The following COL4A4 variants were observed in gnomAD, a reference collection of about 807,000 sequenced individuals.
COL4A4 encodes the protein collagen type IV alpha 4 chain.
COL4A4 carries 105 observed loss-of-function variants against 192.9 expected under a neutral mutation model. That is an observed-to-expected ratio of 0.54 (90% CI 0.46 to 0.64). COL4A4 has a LOEUF of 0.64. Among genes scored for constraint, COL4A4 ranks in the 30% least tolerant of loss-of-function variants. COL4A4 has a pLI of 0.00. For synonymous variants in COL4A4, 762 were observed against 769.9 expected (o/e 0.99, Z 0.17); for missense variants, 1,967 against 2,169.3 (o/e 0.91, Z 1.85).
chr2:227,148,380 GC>G (rs2063693916), intron 1 of COL4A4, among the ~76,000 whole-genome samples: 1 of 152,168 alleles, frequency 6.6e-6, no homozygotes, highest in Admixed American at 6.5e-5. Flanking sequence ...ACAACATTGT[GC>G]CAAGTGAAAG....
At chr2:227,074,358 T>A (rs1029145420) in intron 25 of COL4A4, among the ~76,000 whole-genome samples, 2 of 152,126 alleles carry the variant, frequency 1.3e-5, no homozygotes, top group Non-Finnish European at 2.9e-5. Context: ...AGATATTGCC[T>A]TACTCCTGCA....
Position 227,022,159 on chromosome 2 carries a change from G to A in COL4A4, c.4105C>T (p.Pro1369Ser). ...CGGGGACAGTCATCCACATCTGCAGGTGGCCCCGGTTCACCTGAAATTGGA... is the reference window on the plus strand; with the variant it reads ...CGGGGACAGTCATCCACATCTGCAGATGGCCCCGGTTCACCTGAAATTGGA... The part of the protein sequence containing the change: ...LPGPRGEPGP[P>S]ADVDDCPRIP... Residue 1369 changes from proline (P) to serine (S), a missense_variant, in exon 44 of 48, where the codon CCT becomes TCT. Transcript: ENST00000396625. The A allele has an allele frequency of 6.2e-7, 1 of 1,614,084 alleles. No homozygotes were observed. The highest frequency in any genetic ancestry group is 8.5e-7 in the Non-Finnish European group (1 of 1,180,034).
At chr2:227,060,077 T>C (rs1457527880) in intron 27 of COL4A4, 59 bp downstream of exon 27, 4 of 1,045,160 alleles carry the variant, frequency 3.8e-6, no homozygotes, top group African/African-American at 3.8e-5. Flanking sequence ...TGTTAAAAAG[T>C]TCCTGATAGA....
At position 227,018,257 on chromosome 2, in the gene COL4A4, G is replaced by GT. The variant is rs1233536527; in HGVS notation, c.4216+3790dup. On this transcript the variant is annotated intron_variant, in intron 44 of 47. Transcript: ENST00000396625. The stretch of plus-strand genomic sequence containing the variant: ...TTTGTTTTGTTTTGTTTTAGATGGA[G>GT]TTTCGCTCTTCTTGCCCAGGCTGGA... 3.9e-5 allele frequency among the ~76,000 whole-genome samples: 6 copies of GT among 152,244 alleles called. No homozygotes were observed. The East Asian group carries it at 1.2e-3, about 29-fold the overall frequency.
At chr2:227,070,604 T>C (rs2058656177) in intron 25 of COL4A4, among the ~76,000 whole-genome samples, 1 of 151,286 alleles carries the variant, frequency 6.6e-6, no homozygotes, top group South Asian at 2.1e-4. Context: ...TCATTCTCAG[T>C]AAACTATCGC....
chr2:227,060,373 G>A (rs1976647817), intron 26 of COL4A4, 130 bp from the exon 27 acceptor site: 1 of 669,406 alleles, frequency 1.5e-6, no homozygotes, highest in Non-Finnish European at 2.6e-6. Flanking sequence ...TAAGGATGTT[G>A]CCTATCCCGA....
chr2:227,055,894 G>A (rs1196246455), intron 30 of COL4A4, 51 bp downstream of exon 30: 5 of 1,535,140 alleles, frequency 3.3e-6, no homozygotes, highest in South Asian at 1.1e-5. Flanking sequence ...ACTTGGCAGT[G>A]GATTTCATGT....
intron 18 of COL4A4, 100 bp downstream of exon 18, chr2:227,099,520 A>G (rs2060389049): frequency 9.5e-7 from 1 of 1,055,176 alleles, no homozygotes; most frequent in African/African-American, 1.6e-5. Flanking sequence ...CAGCCTGCCT[A>G]GTGTGCAAGC....
At position 227,003,199 on chromosome 2, in the gene COL4A4, C is replaced by T. The variant is rs1041065214; in HGVS notation, c.*4126G>A. On this transcript the variant is annotated 3_prime_UTR_variant, in exon 48 of 48. Coordinates refer to ENST00000396625, the MANE Select transcript of COL4A4 (RefSeq NM_000092.5). ...TAATTCTAATCAGTAATTTATATAC[C>T]CTGTGAGAATCATAATTCTGTGTAA... 1.3e-5 allele frequency: 2 copies of T among 151,712 alleles called. No homozygotes were observed. Among genetic ancestry groups the T allele is most frequent in the Non-Finnish European group, 2.9e-5 (2 of 67,970 alleles). The allele number at this position is 151,712 out of a possible 1,614,324, so 9.4% of individuals were successfully genotyped here. A position where few individuals can be genotyped will look rare whatever the true frequency, so the allele number is the denominator to read the frequency against.
At chr2:227,130,904 T>C (rs2062412060) in intron 4 of COL4A4, among the ~76,000 whole-genome samples, 2 of 151,972 alleles carry the variant, frequency 1.3e-5, no homozygotes, top group African/African-American at 4.8e-5. Context: ...GCCTCCCAAA[T>C]ATGTCCACCT....
intron 20 of COL4A4, 60 bp downstream of exon 20, chr2:227,094,065 G>T: frequency 7.0e-7 from 1 of 1,422,666 alleles, no homozygotes. Context: ...CTTTCTTAGT[G>T]GCACTGCAAA....
intron 9 of COL4A4, chr2:227,109,620 G>A (rs58684635): frequency 0.02 from 8,023 of 402,154 alleles, 596 homozygotes; most frequent in African/African-American, 0.15. Context: ...GGTGGCAGGC[G>A]CCTGTAGTCC....
chr2:227,140,098 T>G, intron 4 of COL4A4, 63 bp downstream of exon 4: 4 of 1,422,646 alleles, frequency 2.8e-6, no homozygotes, highest in Non-Finnish European at 4.0e-6. Context: ...TTACTTTATA[T>G]TAAATATTCA....
intron 4 of COL4A4, among the ~76,000 whole-genome samples, chr2:227,128,714 C>A (rs2062234773): frequency 6.6e-6 from 1 of 152,174 alleles, no homozygotes; most frequent in African/African-American, 2.4e-5. Context: ...ACCTTCCTCC[C>A]ACTGCCAAGC....
intron 25 of COL4A4, among the ~76,000 whole-genome samples, chr2:227,071,022 G>C (rs2058691110): frequency 6.6e-6 from 1 of 151,842 alleles, no homozygotes; most frequent in Non-Finnish European, 1.5e-5. Context: ...CAACTATCTG[G>C]GTAACAATTA....
chr2:227,023,512 CATT>C (rs368563197), intron 43 of COL4A4, among the ~76,000 whole-genome samples: 6 of 147,116 alleles, frequency 4.1e-5, no homozygotes, highest in African/African-American at 1.4e-4. Context: ...ACTTTCACAT[CATT>C]AAGACATCTT....
chr2:227,097,571 C>A (rs757640808), intron 19 of COL4A4, among the ~76,000 whole-genome samples: 1 of 152,106 alleles, frequency 6.6e-6, no homozygotes, highest in Non-Finnish European at 1.5e-5. Context: ...ACTATTAGAT[C>A]TTCATTTTAA....
At chr2:227,159,348 GA>G (rs1408378386) in intron 1 of COL4A4, among the ~76,000 whole-genome samples, 5 of 152,214 alleles carry the variant, frequency 3.3e-5, no homozygotes, top group Non-Finnish European at 7.3e-5. Context: ...CAAAGAGGCA[GA>G]AAGAAACTTC....
At chr2:227,042,805 G>C (rs527560603) in intron 36 of COL4A4, among the ~76,000 whole-genome samples, 9 of 152,300 alleles carry the variant, frequency 5.9e-5, no homozygotes, top group African/African-American at 1.9e-4. Flanking sequence ...AAACTAAAAA[G>C]AAAGGAGTTG....
Sources: allele counts gnomAD v4.1 joint callset (sites outside exome capture counted in the v4.1 genomes callset), GRCh38; gene constraint gnomAD v4.1.1; transcripts MANE v1.5; gene names NCBI Gene and HGNC (gene_info 2026-07-23, HGNC 2026-07-21).